The following WNT3A variants were observed in gnomAD, a reference collection of about 807,000 sequenced individuals.
WNT3A encodes the protein protein Wnt-3a.
WNT3A carries 17 observed loss-of-function variants against 37.0 expected under a neutral mutation model. That is an observed-to-expected ratio of 0.46 (90% confidence interval 0.31 to 0.69). WNT3A has a LOEUF of 0.69. Among genes scored for constraint, WNT3A ranks in the 30% least tolerant of loss-of-function variants. WNT3A has a pLI of 0.05. For synonymous variants in WNT3A, 187 were observed against 211.0 expected, an observed-to-expected ratio of 0.89 and a Z score of 0.99; for missense variants, 411 against 510.2, an observed-to-expected ratio of 0.81 and a Z score of 1.87.
rs1253165889 is a variant in WNT3A at position 228,060,170 on chromosome 1, C to G, written c.*705C>G. On this transcript the variant is annotated 3_prime_UTR_variant, in exon 4 of 4. Transcript: ENST00000284523. ...CGCGGGTGGGACTCTTCCCTGGGAA[C>G]CGCCCTCCTGATTAAGGCGTGGCTT... 7.4e-7 allele frequency: 1 copy of G among 1,351,054 alleles called. No homozygotes were observed. The highest frequency in any genetic ancestry group is 4.6e-5 in the East Asian group (1 of 21,970). 83.7% of individuals were successfully genotyped at this position (1,351,054 alleles called of 1,614,324 possible). A position where few individuals can be genotyped will look rare whatever the true frequency, so the allele number is the denominator to read the frequency against.
chr1:228,040,667 A>G (rs890240765), intron 2 of WNT3A, among the ~76,000 whole-genome samples: 2 of 152,044 alleles, frequency 1.3e-5, no homozygotes, highest in Non-Finnish European at 2.9e-5. Flanking sequence ...GCGGATCACG[A>G]GGTCAGGAGA....
chr1:228,056,912 T>G lies in WNT3A; in HGVS notation c.580-2074T>G, dbSNP rs74143632. On this transcript the variant is annotated intron_variant, in intron 3 of 3. Transcript: ENST00000284523. Reference sequence around the variant, plus strand: ...TGTAAAAATGATTTTAAGCCAAGAATTCACTTCCCAGCAAAACTATCAATT... The same window carrying G: ...TGTAAAAATGATTTTAAGCCAAGAAGTCACTTCCCAGCAAAACTATCAATT... Among the ~76,000 whole-genome samples, 322 of 152,284 alleles carry G rather than the reference T, an allele frequency of 2.1e-3. 2 individuals are homozygous for G. Among genetic ancestry groups the G allele is most frequent in the East Asian group, 0.015 (77 of 5,190 alleles).
chr1:228,013,035 C>T (rs1338814450), intron 1 of WNT3A, among the ~76,000 whole-genome samples: 2 of 152,112 alleles, frequency 1.3e-5, no homozygotes, highest in Non-Finnish European at 2.9e-5. Flanking sequence ...AGCACCACCA[C>T]TCCCAGCTAA....
At chr1:228,024,264 C>T (rs1247624338) in intron 2 of WNT3A, among the ~76,000 whole-genome samples, 1 of 152,220 alleles carries the variant, frequency 6.6e-6, no homozygotes, top group East Asian at 1.9e-4. Context: ...ACAGCAGTTG[C>T]ACCATTTTAT....
chr1:228,013,471 G>A (rs972202880), intron 1 of WNT3A, among the ~76,000 whole-genome samples: 1 of 152,204 alleles, frequency 6.6e-6, no homozygotes, highest in South Asian at 2.1e-4. Flanking sequence ...GCGTGGCCGC[G>A]GGCACAGGAG....
rs2031785521 is a variant in WNT3A at position 228,060,647 on chromosome 1, TCAGCTGCGCCCCCTTCTTTG to T, written c.*1190_*1209del. 5.4e-6 allele frequency: 1 copy of T among 185,128 alleles called. No individual in the cohort carries two copies. The highest frequency in any genetic ancestry group is 2.4e-5 in the African/African-American group (1 of 42,370). 11.5% of individuals were successfully genotyped at this position (185,128 alleles called of 1,614,324 possible). ...CAGGCCCCGCCCGTCTCTGCTCTGC[TCAGCTGCGCCCCCTTCTTTG>T]CAGCTGCCCAGCCCCTCCTCCCTGC... On this transcript the variant is annotated 3_prime_UTR_variant, in exon 4 of 4. Transcript: ENST00000284523.
rs1352488738 is a variant in WNT3A at position 228,059,740 on chromosome 1, G to T, written c.*275G>T. On this transcript the variant is annotated 3_prime_UTR_variant, in exon 4 of 4. Coordinates refer to ENST00000284523, the MANE Select transcript of WNT3A (RefSeq NM_033131.4). ...TCTGCGTTGGCTTCTCCCTGGGGAC[G>T]GGGCTCCCCTGGACAGAGGCGGGGC... The T allele has an allele frequency of 1.5e-6, 2 of 1,296,746 alleles. No individual in the cohort carries two copies. Among genetic ancestry groups the T allele is most frequent in the South Asian group, 2.3e-5 (1 of 43,986 alleles). 80.3% of individuals were successfully genotyped at this position (1,296,746 alleles called of 1,614,324 possible).
chr1:228,058,951 C>A (rs752192119), intron 3 of WNT3A, 35 bp from the exon 4 acceptor site: 9 of 1,569,238 alleles, frequency 5.7e-6, no homozygotes, highest in Non-Finnish European at 6.9e-6. Flanking sequence ...CACCAGGGGG[C>A]CGCCCTGACG....
intron 3 of WNT3A, among the ~76,000 whole-genome samples, chr1:228,051,229 G>C (rs1424412219): frequency 4.6e-5 from 7 of 152,130 alleles, no homozygotes; most frequent in African/African-American, 9.7e-5. Flanking sequence ...CCACAGAGAC[G>C]GGGAGGAATT....
At chr1:228,022,370 G>T (rs1260680635) in intron 1 of WNT3A, among the ~76,000 whole-genome samples, 3 of 152,120 alleles carry the variant, frequency 2.0e-5, no homozygotes, top group Admixed American at 6.5e-5. Context: ...GCTGCAGTGA[G>T]CCATGATCAT....
At chr1:228,036,377 A>G (rs541947546) in intron 2 of WNT3A, among the ~76,000 whole-genome samples, 12 of 150,488 alleles carry the variant, frequency 8.0e-5, no homozygotes, top group East Asian at 1.9e-4. Flanking sequence ...ATGCATGTGC[A>G]TGTGTGTGTG....
chr1:228,059,413 A>C lies in WNT3A; in HGVS notation c.1007A>C (p.Tyr336Ser). 1 of 1,552,468 alleles carries C rather than the reference A, an allele frequency of 6.4e-7. No homozygotes were observed. Among genetic ancestry groups the C allele is most frequent in the Non-Finnish European group, 8.7e-7 (1 of 1,154,076 alleles). ...KCRCVFHWCC[Y>S]VSCQECTRVY... ...CGCTGCGTGTTCCACTGGTGCTGCT[A>C]CGTCAGCTGCCAGGAGTGCACGCGC... The change falls in exon 4 of 4, where the codon TAC becomes TCC. Residue 336 changes from tyrosine (Y) to serine (S), a missense_variant. Tyr to Ser is a moderately radical substitution (Grantham distance 144, BLOSUM62 -2). Transcript: ENST00000284523.
At position 228,022,885 on chromosome 1, in the gene WNT3A, T is replaced by C; in HGVS notation, c.290T>C (p.Ile97Thr). Residue 97 changes from isoleucine to threonine, a missense_variant, in exon 2 of 4, where the codon ATC becomes ACC. Physicochemically the swap from Ile to Thr is moderately conservative, Grantham distance 89. Coordinates refer to ENST00000284523, the MANE Select transcript of WNT3A (RefSeq NM_033131.4). ...NCTTVHDSLA[I>T]FGPVLDKATR... ...ACCACCGTCCACGACAGCCTGGCCA[T>C]CTTCGGGCCCGTGCTGGACAAAGGT... The C allele has an allele frequency of 6.2e-7, 1 of 1,611,590 alleles. No homozygotes were observed. The highest frequency in any genetic ancestry group is 8.5e-7 in the Non-Finnish European group (1 of 1,178,178).
At chr1:228,019,923 G>T (rs1227835114) in intron 1 of WNT3A, among the ~76,000 whole-genome samples, 1 of 152,172 alleles carries the variant, frequency 6.6e-6, no homozygotes, top group Non-Finnish European at 1.5e-5. Context: ...CCTCACCCTG[G>T]CTTAAAAATG....
At chr1:228,054,692 ATCTG>A (rs2031632743) in intron 3 of WNT3A, among the ~76,000 whole-genome samples, 1 of 149,392 alleles carries the variant, frequency 6.7e-6, no homozygotes, top group Admixed American at 6.7e-5. Context: ...CTATCACATG[ATCTG>A]ATGACACAGT....
rs1383998866 is a variant in WNT3A, at chr1:228,050,397, A to G, written c.314-259A>G. On this transcript the variant is annotated intron_variant, in intron 2 of 3. Coordinates refer to ENST00000284523, the MANE Select transcript of WNT3A (RefSeq NM_033131.4). This position sits in a 1 kb window ranked among gnomAD's most constrained non-coding sequence, Gnocchi z 5.0. Reference sequence around the variant, plus strand: ...CTTCTGTCACCATGTAATTTCTTGCACACACTGGTTCCCCTTTACGCCCCC... The same window carrying G: ...CTTCTGTCACCATGTAATTTCTTGCGCACACTGGTTCCCCTTTACGCCCCC... Among the ~76,000 whole-genome samples the G allele has an allele frequency of 6.6e-6, 1 of 152,152 alleles. No individual in the cohort carries two copies. The highest frequency in any genetic ancestry group is 1.5e-5 in the Non-Finnish European group (1 of 68,024).
rs887112303 is a variant in WNT3A at position 228,050,533 on chromosome 1, T to C, written c.314-123T>C. ...CGTGAACCAAGTAAGCCTCTTTGCC[T>C]TATACACCACCCAACCTCACGAGTT... is the stretch of plus-strand genomic sequence containing the variant. On this transcript the variant is annotated intron_variant, in intron 2 of 3. Coordinates refer to ENST00000284523, the MANE Select transcript of WNT3A (RefSeq NM_033131.4). This position sits in a 1 kb window ranked among gnomAD's most constrained non-coding sequence, Gnocchi z 5.0. 1.9e-5 allele frequency: 25 copies of C among 1,285,088 alleles called. No homozygotes were observed. Among genetic ancestry groups the C allele is most frequent in the East Asian group, 1.0e-4 (4 of 38,986 alleles). The allele number at this position is 1,285,088 out of a possible 1,614,324, so 79.6% of individuals were successfully genotyped here. A position where few individuals can be genotyped will look rare whatever the true frequency, so the allele number is the denominator to read the frequency against.
intron 2 of WNT3A, among the ~76,000 whole-genome samples, chr1:228,024,608 G>A (rs752845317): frequency 5.3e-5 from 8 of 152,064 alleles, no homozygotes; most frequent in Non-Finnish European, 7.4e-5. Flanking sequence ...CTCTCTCATC[G>A]TGTAGGTTTT....
Position 228,008,441 on chromosome 1 carries a change from G to A in WNT3A, c.71+1242G>A, listed in dbSNP as rs749022356. On this transcript the variant is annotated intron_variant, in intron 1 of 3. Coordinates refer to ENST00000284523, the MANE Select transcript of WNT3A (RefSeq NM_033131.4). This position sits in a 1 kb window ranked among gnomAD's most constrained non-coding sequence, Gnocchi z 4.9. ...GTAGGGGCGCCGGGCCAGGAGCAGC[G>A]GGGAGGGGAAGGGGCAGCCCTAGGC... Among the ~76,000 whole-genome samples the A allele has an allele frequency of 6.6e-6, 1 of 152,334 alleles. No individual in the cohort carries two copies. The highest frequency in any genetic ancestry group is 2.1e-4 in the South Asian group (1 of 4,828).
Sources: allele counts gnomAD v4.1 joint callset (sites outside exome capture counted in the v4.1 genomes callset), GRCh38; gene constraint gnomAD v4.1.1; non-coding constraint Gnocchi (gnomAD v3.1); transcripts MANE v1.5; gene names NCBI Gene and HGNC (gene_info 2026-07-23, HGNC 2026-07-21).